Variants in NLK observed in about 807,000 individuals in gnomAD.
NLK encodes serine/threonine-protein kinase NLK.
In NLK, 11 loss-of-function variants were observed where a neutral mutation model predicts 59.0. That is an observed-to-expected ratio of 0.19 (90% confidence interval 0.12 to 0.31). The LOEUF is 0.31. NLK is among the 10% of genes least tolerant of loss of function. The probability of loss-of-function intolerance (pLI) is 1.00; values close to 1 mark genes in which losing one functional copy is unlikely to be tolerated. For synonymous variants in NLK, 235 were observed against 235.9 expected (o/e 1.00, Z 0.03); for missense variants, 410 against 661.1 (o/e 0.62, Z 4.16).
chr17:28,075,859 G>A (rs1404894708), intron 1 of NLK, among the ~76,000 whole-genome samples: 1 of 151,836 alleles, frequency 6.6e-6, no homozygotes, highest in Admixed American at 6.6e-5. Context: ...GTATGCTTCT[G>A]TCTTAGCTAC....
chr17:28,147,402 A>C (rs535889923), intron 3 of NLK, among the ~76,000 whole-genome samples: 1 of 152,294 alleles, frequency 6.6e-6, no homozygotes, highest in East Asian at 1.9e-4. Context: ...TGGGGTAGTC[A>C]GTATTTCTGG....
At chr17:28,127,810 T>A (rs1268692191) in intron 2 of NLK, among the ~76,000 whole-genome samples, 1 of 152,196 alleles carries the variant, frequency 6.6e-6, no homozygotes, top group Non-Finnish European at 1.5e-5. Flanking sequence ...TAAATAAAGT[T>A]AGAAATTCAT....
At chr17:28,103,109 TAAATAA>T (rs1904959352) in intron 1 of NLK, among the ~76,000 whole-genome samples, 1 of 152,092 alleles carries the variant, frequency 6.6e-6, no homozygotes, top group South Asian at 2.1e-4. Context: ...AATAAATAAA[TAAATAA>T]AAATAAAAAG....
intron 1 of NLK, among the ~76,000 whole-genome samples, chr17:28,086,557 T>G (rs772143653): frequency 7.2e-5 from 11 of 152,196 alleles, no homozygotes; most frequent in African/African-American, 1.2e-4. Flanking sequence ...TTTTGTTATT[T>G]TTTAGCAAAC....
chr17:28,160,517 A>G lies in NLK; in HGVS notation c.645-643A>G, dbSNP rs145858994. Among the ~76,000 whole-genome samples the G allele has an allele frequency of 9.2e-5, 14 of 152,310 alleles. No individual in the cohort carries two copies. The East Asian group carries it at 2.5e-3, about 27-fold the overall frequency. On this transcript the variant is annotated intron_variant, in intron 3 of 10. Transcript: ENST00000407008. ...AGGCTCCAGCCTTTAATCATCGGCC[A>G]TGTGTCCATTCAGCAAAACCCTAAA...
chr17:28,066,425 C>A (rs939889764), intron 1 of NLK, among the ~76,000 whole-genome samples: 1 of 152,224 alleles, frequency 6.6e-6, no homozygotes, highest in Non-Finnish European at 1.5e-5. Flanking sequence ...CCAGTGGGCA[C>A]ATTTCAGTCC....
chr17:28,055,680 G>C (rs1909417472), intron 1 of NLK, among the ~76,000 whole-genome samples: 1 of 152,242 alleles, frequency 6.6e-6, no homozygotes, highest in South Asian at 2.1e-4. Context: ...TATATTTAAA[G>C]TCTTAGAGCT....
chr17:28,201,904 CACTT>C, the NLK span, among the ~76,000 whole-genome samples: 73 of 151,900 alleles, frequency 4.8e-4, 1 homozygote, highest in African/African-American at 1.7e-3. Flanking sequence ...TAGTCCCAGA[CACTT>C]AGGAGGCTGA....
intron 1 of NLK, among the ~76,000 whole-genome samples, chr17:28,045,425 T>C (rs1909016798): frequency 6.6e-6 from 1 of 152,184 alleles, no homozygotes; most frequent in Non-Finnish European, 1.5e-5. Context: ...AAATCCAATA[T>C]CAAGGTACAG....
intron 8 of NLK, chr17:28,190,805 T>A: frequency 2.2e-6 from 1 of 452,654 alleles, no homozygotes. Flanking sequence ...TTCTAAGTAC[T>A]TTGTGATGGT....
rs776635914 is a variant in NLK at position 28,168,661 on chromosome 17, T to C, written c.1047+4T>C. 3.7e-6 allele frequency: 6 copies of C among 1,609,996 alleles called. No individual in the cohort carries two copies. The highest frequency in any genetic ancestry group is 5.1e-6 in the Non-Finnish European group (6 of 1,176,544). On this transcript the variant is annotated splice_donor_region_variant and intron_variant, in intron 6 of 10. Coordinates refer to ENST00000407008, the MANE Select transcript of NLK (RefSeq NM_016231.5). Reference sequence around the variant, plus strand: ...GGCACAGAGTCCCATTCAGCAGGTATGATTTCAATTTAAGGCTTTAGTTGC... The same window carrying C: ...GGCACAGAGTCCCATTCAGCAGGTACGATTTCAATTTAAGGCTTTAGTTGC...
rs578073084 is a variant in NLK, at chr17:28,072,861, A to G, written c.458+29530A>G. 5.3e-5 allele frequency among the ~76,000 whole-genome samples: 8 copies of G among 152,184 alleles called. No individual in the cohort carries two copies. In the East Asian group the frequency reaches 1.5e-3, roughly 29 times the overall value. ...ATATTTTTTCAAATACATTAAAAAT[A>G]TTTTATGTTTGCATCTGATAATACT... is the stretch of plus-strand genomic sequence containing the variant. On this transcript the variant is annotated intron_variant, in intron 1 of 10. Coordinates refer to ENST00000407008, the MANE Select transcript of NLK (RefSeq NM_016231.5).
At chr17:28,144,281 T>C (rs1366575943) in intron 3 of NLK, among the ~76,000 whole-genome samples, 3 of 152,046 alleles carry the variant, frequency 2.0e-5, no homozygotes, top group African/African-American at 7.2e-5. Flanking sequence ...AAAGCACTGT[T>C]TAAAGTTCAA....
chr17:28,064,699 A>G (rs546898676), intron 1 of NLK, among the ~76,000 whole-genome samples: 16 of 152,310 alleles, frequency 1.1e-4, no homozygotes, highest in African/African-American at 3.8e-4. Context: ...GGCCTGGCTT[A>G]AACAAATCAT....
the NLK span, among the ~76,000 whole-genome samples, chr17:28,203,725 T>G: frequency 1.1e-4 from 17 of 152,094 alleles, no homozygotes; most frequent in African/African-American, 3.9e-4. Context: ...TTAGTAGAGA[T>G]AGGGTTTCGC....
At chr17:28,159,565 A>G (rs1282876782) in intron 3 of NLK, among the ~76,000 whole-genome samples, 1 of 152,230 alleles carries the variant, frequency 6.6e-6, no homozygotes, top group African/African-American at 2.4e-5. Context: ...TAATTTTAAC[A>G]TGTCACTGAA....
At chr17:28,170,776 A>T (rs1192780072) in intron 6 of NLK, among the ~76,000 whole-genome samples, 2 of 152,208 alleles carry the variant, frequency 1.3e-5, no homozygotes, top group Non-Finnish European at 2.9e-5. Context: ...GCTGCAAAAA[A>T]TATGTGAGGG....
intron 1 of NLK, among the ~76,000 whole-genome samples, chr17:28,046,927 C>G (rs938079829): frequency 3.3e-5 from 5 of 152,196 alleles, no homozygotes; most frequent in Non-Finnish European, 4.4e-5. Context: ...TTCACTTGCT[C>G]TGTTGCCTTT....
chr17:28,194,409 A>G (rs752594025), intron 10 of NLK, among the ~76,000 whole-genome samples, 173 bp from the exon 11 acceptor site: 16 of 152,250 alleles, frequency 1.1e-4, no homozygotes, highest in Admixed American at 2.0e-4. Context: ...CTCTCCATAG[A>G]TAACAGGTCC....
Sources: gnomAD v4.1 joint callset for allele counts (sites outside exome capture counted in the v4.1 genomes callset) on GRCh38, gnomAD v4.1.1 for gene constraint, MANE v1.5 for transcripts, NCBI Gene and HGNC (gene_info 2026-07-23, HGNC 2026-07-21) for gene names.